C13orf42: variants seen among roughly 807,000 people sequenced by gnomAD.
C13orf42 encodes chromosome 13 open reading frame 42.
chr13:51,141,807 C>A lies in C13orf42; in HGVS notation n.137-28585G>T, dbSNP rs575316328. Among the ~76,000 whole-genome samples, 859 of 145,198 alleles carry A rather than the reference C, an allele frequency of 5.9e-3. 5 individuals are homozygous for A. The highest frequency in any genetic ancestry group is 0.021 in the African/African-American group (813 of 39,058). On this transcript the variant is annotated intron_variant and non_coding_transcript_variant, in intron 1 of 4. Coordinates refer to the C13orf42 transcript ENST00000433280. ...AGTTAGACTCCATCTCAAAAAAAAA[C>A]CACTTAAATTAGATAATAAGAAAGA...
At chr13:51,117,982 G>T (rs1420390399) in intron 1 of C13orf42, among the ~76,000 whole-genome samples, 1 of 152,148 alleles carries the variant, frequency 6.6e-6, no homozygotes, top group Admixed American at 6.5e-5. Flanking sequence ...AAATGGGAAG[G>T]AAAAGGCTTT....
intron 1 of C13orf42, among the ~76,000 whole-genome samples, chr13:51,144,231 G>A (rs1194035926): frequency 6.6e-6 from 1 of 152,078 alleles, no homozygotes; most frequent in African/African-American, 2.4e-5. Context: ...GAGCTAAAAT[G>A]TTCATGAGTA....
intron 1 of C13orf42, among the ~76,000 whole-genome samples, chr13:51,127,119 A>C (rs1953583504): frequency 6.6e-6 from 1 of 152,176 alleles, no homozygotes. Context: ...GTGAGCTGTG[A>C]TCACACCACT....
At chr13:51,123,882 G>A (rs1218818741) in intron 1 of C13orf42, among the ~76,000 whole-genome samples, 1 of 152,010 alleles carries the variant, frequency 6.6e-6, no homozygotes, top group East Asian at 1.9e-4. Flanking sequence ...ACTAGCCTTC[G>A]GAAGGAATTT....
intron 2 of C13orf42, among the ~76,000 whole-genome samples, chr13:51,086,368 T>C (rs1265588640): frequency 6.6e-6 from 1 of 151,516 alleles, no homozygotes; most frequent in Non-Finnish European, 1.5e-5. Flanking sequence ...ATTTATGGGC[T>C]TGGAAAGTAG....
At chr13:51,089,037 TGAG>T in intron 1 of C13orf42, among the ~76,000 whole-genome samples, 1 of 152,208 alleles carries the variant, frequency 6.6e-6, no homozygotes, top group Middle Eastern at 3.4e-3. Context: ...TAAGAAGACT[TGAG>T]GAGAGGAAAA....
intron 1 of C13orf42, among the ~76,000 whole-genome samples, chr13:51,102,305 T>C (rs1450880112): frequency 6.6e-6 from 1 of 152,154 alleles, no homozygotes; most frequent in Non-Finnish European, 1.5e-5. Context: ...CTGCTTCCTA[T>C]CCCATATGCA....
At chr13:51,085,974 A>G (rs1953119940) in intron 2 of C13orf42, among the ~76,000 whole-genome samples, 1 of 151,758 alleles carries the variant, frequency 6.6e-6, no homozygotes, top group African/African-American at 2.4e-5. Flanking sequence ...CCGAGACTGT[A>G]CCACTGCACT....
intron 1 of C13orf42, among the ~76,000 whole-genome samples, chr13:51,158,026 A>C (rs1953837644): frequency 6.6e-6 from 1 of 152,248 alleles, no homozygotes; most frequent in Admixed American, 6.5e-5. Context: ...ACAAAAAACC[A>C]GGCTTTGCCA....
intron 1 of C13orf42, among the ~76,000 whole-genome samples, chr13:51,167,359 A>G (rs1382045993): frequency 6.6e-6 from 1 of 152,214 alleles, no homozygotes; most frequent in Non-Finnish European, 1.5e-5. Flanking sequence ...TGGACAAGTC[A>G]GAAGAAGGGG....
chr13:51,129,157 G>T (rs1953596780), intron 1 of C13orf42, among the ~76,000 whole-genome samples: 1 of 152,202 alleles, frequency 6.6e-6, no homozygotes, highest in African/African-American at 2.4e-5. Context: ...CCTGGAGTGT[G>T]AGCTGCTCAG....
At chr13:51,171,892 T>G (rs1358020108) in intron 1 of C13orf42, 1 of 152,172 alleles carries the variant, frequency 6.6e-6, no homozygotes, top group Non-Finnish European at 1.5e-5. Context: ...ATGCTCAATA[T>G]ACATTTTATT....
chr13:51,086,133 C>T (rs1164032239), intron 2 of C13orf42, among the ~76,000 whole-genome samples: 3 of 151,964 alleles, frequency 2.0e-5, no homozygotes, highest in Non-Finnish European at 4.4e-5. Flanking sequence ...GGTGAAACCC[C>T]GTCTCTACTG....
chr13:51,132,564 C>T (rs886793788), intron 1 of C13orf42, among the ~76,000 whole-genome samples: 3 of 152,144 alleles, frequency 2.0e-5, no homozygotes, highest in Admixed American at 2.0e-4. Context: ...GCTTTCTAAG[C>T]TCCTCTCTAT....
chr13:51,085,204 T>C (rs1351470190), intron 3 of C13orf42, 115 bp downstream of exon 3: 2 of 239,394 alleles, frequency 8.4e-6, no homozygotes, highest in Non-Finnish European at 1.5e-5. Flanking sequence ...TATATATATA[T>C]ATATATGAAT....
intron 1 of C13orf42, among the ~76,000 whole-genome samples, chr13:51,132,277 C>A (rs1217634479): frequency 6.6e-6 from 1 of 152,022 alleles, no homozygotes; most frequent in Non-Finnish European, 1.5e-5. Context: ...CTCAGCTCTA[C>A]TAAAAATACA....
intron 1 of C13orf42, among the ~76,000 whole-genome samples, chr13:51,140,938 G>A (rs1452196729): frequency 6.6e-6 from 1 of 152,064 alleles, no homozygotes; most frequent in Non-Finnish European, 1.5e-5. Context: ...CTTACACTTA[G>A]ACCGCTCAGA....
chr13:51,101,460 A>G (rs1160226758), intron 1 of C13orf42, among the ~76,000 whole-genome samples: 2 of 152,184 alleles, frequency 1.3e-5, no homozygotes, highest in Non-Finnish European at 2.9e-5. Flanking sequence ...TGGCTATTTT[A>G]ATTATTAGGA....
intron 1 of C13orf42, among the ~76,000 whole-genome samples, chr13:51,098,029 C>T (rs1173134121): frequency 2.0e-5 from 3 of 152,190 alleles, no homozygotes; most frequent in East Asian, 1.9e-4. Context: ...GCCTGAGCCT[C>T]GGATTACTTT....
Sources: allele counts gnomAD v4.1 joint callset (sites outside exome capture counted in the v4.1 genomes callset), GRCh38; gene constraint gnomAD v4.1.1; transcripts MANE v1.5; gene names NCBI Gene and HGNC (gene_info 2026-07-23, HGNC 2026-07-21).